The following TMC1 variants were observed in gnomAD, a reference collection of about 807,000 sequenced individuals.
The protein encoded by TMC1 is transmembrane channel-like protein 1.
Under a neutral mutation model 105.8 loss-of-function variants are expected in TMC1, and 84 were observed. The observed-to-expected ratio is 0.79, with a 90% CI of 0.67 to 0.95. The LOEUF is 0.95. Ranked by LOEUF, TMC1 falls within the 40% of genes least tolerant of loss-of-function variation. The pLI is 0.00. For synonymous variants in TMC1, 315 were observed against 311.5 expected, an observed-to-expected ratio of 1.01 and a Z score of -0.12; for missense variants, 817 against 914.1, an observed-to-expected ratio of 0.89 and a Z score of 1.37.
intron 20 of TMC1, among the ~76,000 whole-genome samples, chr9:72,826,655 A>T (rs1350588118): frequency 6.6e-6 from 1 of 152,168 alleles, no homozygotes; most frequent in Admixed American, 6.5e-5. Flanking sequence ...AACTGCTTTG[A>T]CTATATGTTT....
At chr9:72,714,013 ATTTCATTATT>A (rs1826879829) in intron 8 of TMC1, among the ~76,000 whole-genome samples, 1 of 152,080 alleles carries the variant, frequency 6.6e-6, no homozygotes, top group South Asian at 2.1e-4. Context: ...TTGTGCCTTA[ATTTCATTATT>A]TACCCAGTAG....
intron 5 of TMC1, among the ~76,000 whole-genome samples, chr9:72,661,245 T>G (rs1460249693): frequency 6.6e-6 from 1 of 152,264 alleles, no homozygotes; most frequent in Non-Finnish European, 1.5e-5. Context: ...CCTTGCCTGA[T>G]TCCTAGAGTC....
chr9:72,580,855 C>T (rs140928270), intron 2 of TMC1, among the ~76,000 whole-genome samples: 1 of 152,272 alleles, frequency 6.6e-6, no homozygotes, highest in East Asian at 1.9e-4. Flanking sequence ...CTACTGATAA[C>T]ACAACACCTC....
chr9:72,601,152 T>C lies in TMC1; in HGVS notation c.-305-15216T>C, dbSNP rs185629305. Among the ~76,000 whole-genome samples, 11 of 148,892 alleles carry C rather than the reference T, an allele frequency of 7.4e-5. No individual in the cohort carries two copies. In the East Asian group the frequency reaches 2.0e-3, roughly 27 times the overall value. ...GAGATTAGGACCAACCTAGGCAACA[T>C]AGCAAGACACTGTTTCTACACACAC... On this transcript the variant is annotated intron_variant, in intron 2 of 23. Coordinates refer to ENST00000297784, the MANE Select transcript of TMC1 (RefSeq NM_138691.3).
intron 1 of TMC1, among the ~76,000 whole-genome samples, chr9:72,546,709 T>G (rs1451584071): frequency 6.6e-6 from 1 of 152,240 alleles, no homozygotes; most frequent in Non-Finnish European, 1.5e-5. Context: ...CAAAGCTGTT[T>G]CTATCTCTTT....
At chr9:72,633,018 AAAT>A (rs1290105630) in intron 4 of TMC1, among the ~76,000 whole-genome samples, 1 of 152,136 alleles carries the variant, frequency 6.6e-6, no homozygotes, top group East Asian at 1.9e-4. Flanking sequence ...CAAAAAAAAA[AAAT>A]AAGATAAATG....
chr9:72,624,328 G>A (rs755184401), intron 3 of TMC1, among the ~76,000 whole-genome samples: 5 of 152,168 alleles, frequency 3.3e-5, no homozygotes, highest in Non-Finnish European at 7.3e-5. Flanking sequence ...GTTGTTGAGA[G>A]TCTTCTTTGC....
intron 1 of TMC1, among the ~76,000 whole-genome samples, chr9:72,543,992 C>T (rs192635873): frequency 6.9e-5 from 10 of 145,972 alleles, no homozygotes; most frequent in African/African-American, 2.6e-4. Context: ...CGTTCTTTCA[C>T]CCAGGCTGGA....
intron 17 of TMC1, among the ~76,000 whole-genome samples, chr9:72,803,413 A>G (rs926343016): frequency 2.0e-5 from 3 of 152,254 alleles, no homozygotes; most frequent in Admixed American, 6.5e-5. Context: ...GCTTCTGTAC[A>G]GCAAAAGAAA....
At chr9:72,822,477 C>G (rs887403804) in intron 20 of TMC1, among the ~76,000 whole-genome samples, 6 of 150,860 alleles carry the variant, frequency 4.0e-5, no homozygotes, top group Non-Finnish European at 8.8e-5. Flanking sequence ...CCTCTGTCTA[C>G]TCAGAGAACT....
At chr9:72,830,930 A>C (rs1588106323) in intron 23 of TMC1, among the ~76,000 whole-genome samples, 1 of 152,072 alleles carries the variant, frequency 6.6e-6, no homozygotes, top group East Asian at 1.9e-4. Flanking sequence ...GGCAGTAGTG[A>C]TTTTTAAAAG....
At chr9:72,783,606 C>T (rs1828126545) in intron 13 of TMC1, among the ~76,000 whole-genome samples, 1 of 152,164 alleles carries the variant, frequency 6.6e-6, no homozygotes, top group African/African-American at 2.4e-5. Flanking sequence ...CTGGCAACAC[C>T]TTCACAGACA....
intron 4 of TMC1, among the ~76,000 whole-genome samples, chr9:72,642,323 A>G (rs1825642241): frequency 6.6e-6 from 1 of 152,098 alleles, no homozygotes; most frequent in East Asian, 1.9e-4. Flanking sequence ...CTCTGGTTCT[A>G]TTGTCATCAC....
chr9:72,552,082 C>A (rs1035124605), intron 1 of TMC1, among the ~76,000 whole-genome samples: 2 of 152,060 alleles, frequency 1.3e-5, no homozygotes, highest in Admixed American at 6.6e-5. Flanking sequence ...ATTACAGTAG[C>A]CCTTAAACTA....
At chr9:72,657,361 T>C (rs1037381861) in intron 5 of TMC1, among the ~76,000 whole-genome samples, 1 of 152,250 alleles carries the variant, frequency 6.6e-6, no homozygotes, top group African/African-American at 2.4e-5. Context: ...AGATGTTTCA[T>C]ATATTTTGTC....
intron 8 of TMC1, among the ~76,000 whole-genome samples, chr9:72,714,625 T>G (rs1230676240): frequency 5.3e-5 from 8 of 152,182 alleles, no homozygotes. Context: ...TTGGTAAATA[T>G]TCCTCCATCC....
At chr9:72,610,535 A>G (rs1825007132) in intron 2 of TMC1, among the ~76,000 whole-genome samples, 1 of 152,226 alleles carries the variant, frequency 6.6e-6, no homozygotes, top group South Asian at 2.1e-4. Flanking sequence ...CCCAGCTCAA[A>G]CATAGTGAGA....
rs552889656 is a variant in TMC1 at position 72,565,992 on chromosome 9, A to G, written c.-427-11910A>G. ...TGCCTGTGTGTATGCATGTGCACGTATATAAATTTTTTCACTAGTGACTGA... is the reference window on the plus strand; with the variant it reads ...TGCCTGTGTGTATGCATGTGCACGTGTATAAATTTTTTCACTAGTGACTGA... On this transcript the variant is annotated intron_variant, in intron 1 of 23. Coordinates refer to ENST00000297784, the MANE Select transcript of TMC1 (RefSeq NM_138691.3). Among the ~76,000 whole-genome samples, 3 of 152,298 alleles carry G rather than the reference A, an allele frequency of 2.0e-5. No individual in the cohort carries two copies. The South Asian group carries it at 6.2e-4, about 32-fold the overall frequency.
In TMC1 at chr9:72,756,703, A is replaced by G. The variant is rs932164499; in HGVS notation, c.741+1819A>G. Among the ~76,000 whole-genome samples the G allele has an allele frequency of 2.0e-5, 3 of 152,226 alleles. No individual in the cohort carries two copies. In the East Asian group the frequency reaches 5.8e-4, roughly 29 times the overall value. The stretch of plus-strand genomic sequence containing the variant: ...AGGCATAGCAGAGAAAGGAAGGACT[A>G]AAAATATGAACAAAAGGTCTTTTGA... On this transcript the variant is annotated intron_variant, in intron 12 of 23. Transcript: ENST00000297784.
Sources: gnomAD v4.1 joint callset for allele counts (sites outside exome capture counted in the v4.1 genomes callset) on GRCh38, gnomAD v4.1.1 for gene constraint, MANE v1.5 for transcripts, NCBI Gene and HGNC (gene_info 2026-07-23, HGNC 2026-07-21) for gene names.